CA10: variants seen among roughly 807,000 people sequenced by gnomAD.
The protein encoded by CA10 is carbonic anhydrase-related protein 10.
In CA10, 14 loss-of-function variants were observed where a neutral mutation model predicts 44.2. The ratio of observed to expected loss-of-function variants is 0.32; its 90% CI spans 0.21 to 0.50. CA10 has a LOEUF of 0.50. CA10 is among the 20% of genes least tolerant of loss of function. The pLI, the probability that CA10 is intolerant of heterozygous loss-of-function variation, is 0.99. For synonymous variants in CA10, 159 were observed against 141.6 expected, an observed-to-expected ratio of 1.12 and a Z score of -0.87; for missense variants, 350 against 409.7, an observed-to-expected ratio of 0.85 and a Z score of 1.26.
intron 3 of CA10, among the ~76,000 whole-genome samples, chr17:51,926,446 G>A (rs1982432454): frequency 6.6e-6 from 1 of 152,058 alleles, no homozygotes; most frequent in South Asian, 2.1e-4. Flanking sequence ...ATTCCTTTTG[G>A]CACTGCAACA....
At chr17:51,835,370 T>C (rs926642977) in intron 3 of CA10, among the ~76,000 whole-genome samples, 2 of 152,242 alleles carry the variant, frequency 1.3e-5, no homozygotes, top group Non-Finnish European at 2.9e-5. Context: ...CCATATATTT[T>C]GTGAGTCAAG....
intron 4 of CA10, among the ~76,000 whole-genome samples, chr17:51,747,276 C>T (rs1057253346): frequency 1.3e-5 from 2 of 152,162 alleles, no homozygotes; most frequent in Admixed American, 6.5e-5. Flanking sequence ...ATATGTGACA[C>T]GTGAGAGGCT....
At chr17:51,677,440 T>A (rs1413501568) in intron 4 of CA10, among the ~76,000 whole-genome samples, 1 of 152,158 alleles carries the variant, frequency 6.6e-6, no homozygotes, top group Admixed American at 6.5e-5. Flanking sequence ...GCCATCATTG[T>A]AAGTTTCCTG....
In CA10 at chr17:52,072,355, C is replaced by T. The variant is rs771981746; in HGVS notation, c.100G>A (p.Ala34Thr). 25 of 1,613,114 alleles carry T rather than the reference C, an allele frequency of 1.5e-5. No individual in the cohort carries two copies. Among genetic ancestry groups the T allele is most frequent in the Non-Finnish European group, 1.4e-5 (16 of 1,179,388 alleles). ...NSPKIHEGWW[A>T]YKEVVQGSFV... ...CTTCCCTGGACCACCTCCTTGTATGCCCACCAGCCTTCATGGATTTTTGGT... is the reference window on the plus strand; with the variant it reads ...CTTCCCTGGACCACCTCCTTGTATGTCCACCAGCCTTCATGGATTTTTGGT... The change falls in exon 2 of 9, where the codon GCA (alanine) becomes ACA (threonine). Residue 34 changes from alanine (A) to threonine (T), a missense_variant. Coordinates refer to ENST00000451037, the MANE Select transcript of CA10 (RefSeq NM_020178.5).
chr17:51,681,007 A>C (rs543688433), intron 4 of CA10, among the ~76,000 whole-genome samples: 1 of 152,244 alleles, frequency 6.6e-6, no homozygotes, highest in South Asian at 2.1e-4. Flanking sequence ...GGTGCCTATG[A>C]AAGATAAGAT....
chr17:52,132,965 C>A (rs920037638), intron 1 of CA10, among the ~76,000 whole-genome samples: 1 of 152,122 alleles, frequency 6.6e-6, no homozygotes, highest in Admixed American at 6.5e-5. Flanking sequence ...ATCAGTGCTA[C>A]CTCTTCTCAG....
At chr17:51,841,554 G>A (rs1978319784) in intron 3 of CA10, among the ~76,000 whole-genome samples, 1 of 152,210 alleles carries the variant, frequency 6.6e-6, no homozygotes, top group Non-Finnish European at 1.5e-5. Context: ...ATAGCAGGAT[G>A]TATGTACAAG....
In CA10 at chr17:52,155,759, A is replaced by T. The variant is rs558913433; in HGVS notation, c.61+1967T>A. Among the ~76,000 whole-genome samples the T allele has an allele frequency of 2.0e-5, 3 of 152,332 alleles. No homozygotes were observed. In the East Asian group the frequency reaches 5.8e-4, roughly 29 times the overall value. On this transcript the variant is annotated intron_variant, in intron 1 of 8. Transcript: ENST00000451037. ...TTTCTGTGTTTAGCTAATAGCTAGC[A>T]ATTTTGCTTACACTTTTATCCTCTC...
At chr17:52,085,776 T>A (rs1418462337) in intron 1 of CA10, among the ~76,000 whole-genome samples, 1 of 152,214 alleles carries the variant, frequency 6.6e-6, no homozygotes, top group East Asian at 1.9e-4. Flanking sequence ...AGACATTTGT[T>A]TCTCACTGAC....
intron 4 of CA10, among the ~76,000 whole-genome samples, chr17:51,711,830 T>A (rs557990543): frequency 2.3e-4 from 35 of 152,272 alleles, no homozygotes; most frequent in African/African-American, 8.2e-4. Context: ...GCCGTGGGCT[T>A]CTGCTGGGGG....
intron 2 of CA10, among the ~76,000 whole-genome samples, chr17:52,026,062 G>C (rs998105677): frequency 6.6e-6 from 1 of 151,960 alleles, no homozygotes; most frequent in Non-Finnish European, 1.5e-5. Context: ...ATTGAGAGAA[G>C]AATAACAGTT....
intron 2 of CA10, among the ~76,000 whole-genome samples, chr17:52,067,037 C>A (rs929463949): frequency 1.4e-4 from 22 of 152,186 alleles, no homozygotes; most frequent in African/African-American, 5.1e-4. Flanking sequence ...AAAAGAAAAA[C>A]CCATTTTCTG....
intron 1 of CA10, among the ~76,000 whole-genome samples, chr17:52,081,096 G>A (rs894265328): frequency 2.0e-5 from 3 of 152,054 alleles, no homozygotes; most frequent in African/African-American, 4.8e-5. Flanking sequence ...TACATTCTCC[G>A]GGAGGGAGAC....
intron 3 of CA10, among the ~76,000 whole-genome samples, chr17:51,778,701 G>A (rs779173754): frequency 6.6e-6 from 1 of 152,156 alleles, no homozygotes; most frequent in Admixed American, 6.5e-5. Context: ...GGCCTTGTGC[G>A]AGGCATGGGA....
At chr17:51,886,033 A>G (rs1980583881) in intron 3 of CA10, among the ~76,000 whole-genome samples, 1 of 152,256 alleles carries the variant, frequency 6.6e-6, no homozygotes, top group African/African-American at 2.4e-5. Context: ...CAGAGAGTGC[A>G]GAGAGATTAG....
intron 2 of CA10, among the ~76,000 whole-genome samples, chr17:51,960,073 A>AAAAATAG (rs1983829930): frequency 6.6e-6 from 1 of 151,942 alleles, no homozygotes; most frequent in Non-Finnish European, 1.5e-5. Context: ...AAATGTTGTA[A>AAAAATAG]AAAATAGAAA....
chr17:51,706,140 A>G (rs959979085), intron 4 of CA10, among the ~76,000 whole-genome samples: 1 of 152,140 alleles, frequency 6.6e-6, no homozygotes, highest in Non-Finnish European at 1.5e-5. Context: ...GGATAATGGT[A>G]TGTTTACCAT....
chr17:51,799,007 A>G (rs1906822795), intron 3 of CA10, among the ~76,000 whole-genome samples: 1 of 152,218 alleles, frequency 6.6e-6, no homozygotes, highest in African/African-American at 2.4e-5. Context: ...AGTGGGGAGT[A>G]GCTAGGAAGT....
At position 51,801,015 on chromosome 17, in the gene CA10, GT is replaced by G. The variant is rs201854496; in HGVS notation, c.280-53198del. On this transcript the variant is annotated intron_variant, in intron 3 of 8. Coordinates refer to ENST00000451037, the MANE Select transcript of CA10 (RefSeq NM_020178.5). ...CCTGGTCTGCCTGAGAATCTCTTGT[GT>G]TTTTGTAGGCATGGATCTCTGAGTG... Among the ~76,000 whole-genome samples the G allele has an allele frequency of 7.5e-3, 1,138 of 152,244 alleles. 18 individuals are homozygous for G. The highest frequency in any genetic ancestry group is 0.026 in the African/African-American group (1,098 of 41,546).
Sources: allele counts gnomAD v4.1 joint callset (sites outside exome capture counted in the v4.1 genomes callset), GRCh38; gene constraint gnomAD v4.1.1; transcripts MANE v1.5; gene names NCBI Gene and HGNC (gene_info 2026-07-23, HGNC 2026-07-21).